MTUS2: variants seen among roughly 807,000 people sequenced by gnomAD.
MTUS2 encodes microtubule-associated tumor suppressor candidate 2.
Under a neutral mutation model 114.1 loss-of-function variants are expected in MTUS2, and 40 were observed. The ratio of observed to expected loss-of-function variants is 0.35; its 90% CI spans 0.27 to 0.46. The LOEUF (loss-of-function observed/expected upper bound fraction) is 0.46, where lower values mean the gene tolerates loss of function less well. Ranked by LOEUF, MTUS2 falls within the 20% of genes least tolerant of loss-of-function variation. The probability of loss-of-function intolerance (pLI) is 1.00; values close to 1 mark genes in which losing one functional copy is unlikely to be tolerated. For missense variants in MTUS2, 1,679 were observed against 1,705.4 expected (o/e 0.98, Z 0.27); for synonymous variants, 688 against 672.0 (o/e 1.02, Z -0.37).
chr13:29,214,907 G>C (rs1457751258), intron 5 of MTUS2, among the ~76,000 whole-genome samples: 3 of 152,124 alleles, frequency 2.0e-5, no homozygotes, highest in African/African-American at 7.2e-5. Context: ...ATATTGGCCT[G>C]TATTGCTAGG....
At chr13:28,900,678 C>T (rs924710961) in intron 2 of MTUS2, among the ~76,000 whole-genome samples, 2 of 152,160 alleles carry the variant, frequency 1.3e-5, no homozygotes, top group African/African-American at 4.8e-5. Context: ...ATCTAAAGGA[C>T]ATCTAGGTGG....
At chr13:29,164,414 A>G (rs1286125322) in intron 5 of MTUS2, among the ~76,000 whole-genome samples, 7 of 152,240 alleles carry the variant, frequency 4.6e-5, no homozygotes, top group African/African-American at 1.4e-4. Flanking sequence ...TGTGCGCTAC[A>G]GTGGGAAGAC....
At chr13:28,823,823 A>G (rs1481991092) in intron 1 of MTUS2, among the ~76,000 whole-genome samples, 1 of 151,906 alleles carries the variant, frequency 6.6e-6, no homozygotes, top group Non-Finnish European at 1.5e-5. Context: ...CTCAGGAAAC[A>G]TAGAATCACG....
At chr13:29,227,881 T>C (rs1218038265) in intron 5 of MTUS2, among the ~76,000 whole-genome samples, 1 of 152,228 alleles carries the variant, frequency 6.6e-6, no homozygotes, top group Non-Finnish European at 1.5e-5. Flanking sequence ...CCATGTTTTG[T>C]TAAAGTCTTA....
intron 4 of MTUS2, among the ~76,000 whole-genome samples, chr13:29,051,530 G>C (rs1887897007): frequency 6.6e-6 from 1 of 152,094 alleles, no homozygotes; most frequent in African/African-American, 2.4e-5. Flanking sequence ...GGGAAAATGT[G>C]CCCCAAGATG....
chr13:29,432,010 ATTT>A (rs57182093), intron 8 of MTUS2, among the ~76,000 whole-genome samples: 1 of 81,036 alleles, frequency 1.2e-5, no homozygotes, highest in Non-Finnish European at 2.5e-5. Flanking sequence ...ACGCTCAGCT[ATTT>A]TTTTTTTTTT....
chr13:29,150,491 T>A (rs1892621740), intron 5 of MTUS2, among the ~76,000 whole-genome samples: 1 of 152,176 alleles, frequency 6.6e-6, no homozygotes, highest in Non-Finnish European at 1.5e-5. Flanking sequence ...TCTATAGGTT[T>A]CTGTTCACAC....
At chr13:28,964,733 A>C (rs1193076797) in intron 2 of MTUS2, among the ~76,000 whole-genome samples, 1 of 55,628 alleles carries the variant, frequency 1.8e-5, no homozygotes, top group African/African-American at 5.1e-5. Context: ...AGTCATGTAC[A>C]AGAAGCTTTT....
At chr13:29,079,472 C>T (rs1413583870) in intron 4 of MTUS2, among the ~76,000 whole-genome samples, 1 of 152,068 alleles carries the variant, frequency 6.6e-6, no homozygotes, top group Admixed American at 6.6e-5. Flanking sequence ...CATGTCATAG[C>T]TAAGAAACCA....
intron 5 of MTUS2, among the ~76,000 whole-genome samples, chr13:29,191,083 G>A (rs555257188): frequency 6.6e-6 from 1 of 152,210 alleles, no homozygotes; most frequent in African/African-American, 2.4e-5. Flanking sequence ...CCATGGCATT[G>A]TCAGATATAC....
chr13:28,825,478 CT>C (rs1408542952), intron 1 of MTUS2, among the ~76,000 whole-genome samples: 1 of 152,158 alleles, frequency 6.6e-6, no homozygotes, highest in African/African-American at 2.4e-5. Context: ...TTAAAGGGAA[CT>C]GGGGTTGGTT....
At chr13:29,262,648 G>A (rs949802898) in intron 5 of MTUS2, among the ~76,000 whole-genome samples, 5 of 152,108 alleles carry the variant, frequency 3.3e-5, no homozygotes, top group African/African-American at 9.7e-5. Flanking sequence ...CAGTCAGTCA[G>A]GCCCTGGGAA....
At chr13:29,257,023 A>G (rs562162723) in intron 5 of MTUS2, among the ~76,000 whole-genome samples, 2 of 152,236 alleles carry the variant, frequency 1.3e-5, no homozygotes, top group South Asian at 4.2e-4. Context: ...TACTATATAC[A>G]TATATGTATA....
intron 9 of MTUS2, chr13:29,476,590 T>C (rs541750164): frequency 6.6e-6 from 1 of 152,220 alleles, no homozygotes; most frequent in East Asian, 1.9e-4. Context: ...AATGTGGTGG[T>C]TTTCAGTATA....
intron 2 of MTUS2, among the ~76,000 whole-genome samples, chr13:28,932,523 C>G (rs768003976): frequency 6.6e-6 from 1 of 152,100 alleles, no homozygotes; most frequent in Non-Finnish European, 1.5e-5. Flanking sequence ...TACTTGTGTG[C>G]CTGGGCTTGT....
intron 11 of MTUS2, among the ~76,000 whole-genome samples, chr13:29,491,196 T>G (rs1054241282): frequency 1.8e-5 from 1 of 55,358 alleles, no homozygotes; most frequent in African/African-American, 4.7e-5. Context: ...ATGTGGTGTA[T>G]GGTGGGGGTG....
chr13:29,239,606 T>C (rs1896660331), intron 5 of MTUS2: 1 of 152,240 alleles, frequency 6.6e-6, no homozygotes, highest in African/African-American at 2.4e-5. Context: ...TTGCCAAGGA[T>C]TCATGGTCTA....
chr13:29,022,955 T>C (rs1886355910), intron 2 of MTUS2, among the ~76,000 whole-genome samples: 1 of 152,206 alleles, frequency 6.6e-6, no homozygotes. Context: ...GTATGCCAGG[T>C]ATTAGACAAT....
intron 5 of MTUS2, among the ~76,000 whole-genome samples, chr13:29,147,654 G>A (rs1431649472): frequency 6.6e-6 from 1 of 152,030 alleles, no homozygotes; most frequent in Non-Finnish European, 1.5e-5. Flanking sequence ...TGTGTACCCA[G>A]TGTTTAGCTC....
Sources: gnomAD v4.1 joint callset for allele counts (sites outside exome capture counted in the v4.1 genomes callset) on GRCh38, gnomAD v4.1.1 for gene constraint, MANE v1.5 for transcripts, NCBI Gene and HGNC (gene_info 2026-07-23, HGNC 2026-07-21) for gene names.